CIBAR2: variants seen among roughly 807,000 people sequenced by gnomAD.
CIBAR2 encodes CBY1 interacting BAR domain containing 2.
A neutral mutation model predicts 36.2 loss-of-function variants in CIBAR2; 38 were observed. That is an observed-to-expected ratio of 1.05 (90% CI 0.81 to 1.38). The LOEUF is 1.38. Among genes scored for constraint, CIBAR2 ranks in the 40% most tolerant of loss-of-function variants. The pLI is 0.00. For synonymous variants in CIBAR2, 182 were observed against 149.5 expected, an observed-to-expected ratio of 1.22 and a Z score of -1.58; for missense variants, 481 against 383.4, an observed-to-expected ratio of 1.25 and a Z score of -2.13.
rs2073928393 is a variant in CIBAR2 at position 85,098,542 on chromosome 16, C to T, written c.*643G>A. 2 of 986,006 alleles carry T rather than the reference C, an allele frequency of 2.0e-6. No individual in the cohort carries two copies. Among genetic ancestry groups the T allele is most frequent in the Admixed American group, 6.1e-5 (1 of 16,270 alleles). 61.1% of individuals were successfully genotyped at this position (986,006 alleles called of 1,614,324 possible). ...CTGAGGATCCAAGGCCAGCTAAGTT[C>T]TTCTGACTGTTGTGGGCAGTTCTCT... On this transcript the variant is annotated 3_prime_UTR_variant, in exon 9 of 9. Transcript: ENST00000539556.
rs760843061 is a variant in CIBAR2 at position 85,102,248 on chromosome 16, G to A, written c.617C>T (p.Thr206Ile). The change falls in exon 7 of 9, where the codon ACC becomes ATC. Residue 206 changes from threonine (T) to isoleucine (I), a missense_variant. By Grantham distance (89) the Thr-to-Ile change is moderately conservative. Coordinates refer to ENST00000539556, the MANE Select transcript of CIBAR2 (RefSeq NM_198491.3). Reference protein sequence around the residue: ...AVEVYSSAFQTLEKYDLERDL... With the variant: ...AVEVYSSAFQILEKYDLERDL... Reference sequence around the variant, plus strand: ...CCTCTCCAGGTCATACTTCTCCAGGGTCTGGAAGGCGCTAGAATACACCTC... The same window carrying A: ...CCTCTCCAGGTCATACTTCTCCAGGATCTGGAAGGCGCTAGAATACACCTC... The A allele has an allele frequency of 3.7e-6, 6 of 1,611,580 alleles. No individual in the cohort carries two copies. The highest frequency in any genetic ancestry group is 5.1e-6 in the Non-Finnish European group (6 of 1,177,726).
rs1324839922 is a variant in CIBAR2 at position 85,101,888 on chromosome 16, G to A, written c.651+326C>T. On this transcript the variant is annotated intron_variant, in intron 7 of 8. Transcript: ENST00000539556. ...TCACCATGTTGGCCAGGCTGGCCTCGAACTCCTGACCTCAGGTGATCCGCC... is the reference window on the plus strand; with the variant it reads ...TCACCATGTTGGCCAGGCTGGCCTCAAACTCCTGACCTCAGGTGATCCGCC... Among the ~76,000 whole-genome samples, 4 of 152,078 alleles carry A rather than the reference G, an allele frequency of 2.6e-5. 1 individual carries two copies. The highest frequency in any genetic ancestry group is 5.9e-5 in the Non-Finnish European group (4 of 67,970).
intron 6 of CIBAR2, among the ~76,000 whole-genome samples, chr16:85,102,929 T>A (rs966756015): frequency 1.3e-5 from 2 of 149,652 alleles, no homozygotes; most frequent in African/African-American, 4.9e-5. Context: ...TGAGATGGAG[T>A]CTCCCTCTGT....
chr16:85,104,298 C>G (rs755256309), intron 6 of CIBAR2, among the ~76,000 whole-genome samples: 1 of 152,186 alleles, frequency 6.6e-6, no homozygotes, highest in Non-Finnish European at 1.5e-5. Context: ...AGGATGAGGC[C>G]GCAGGCCTGA....
At chr16:85,109,894 T>C (rs184051092) in intron 2 of CIBAR2, among the ~76,000 whole-genome samples, 1 of 152,282 alleles carries the variant, frequency 6.6e-6, no homozygotes, top group African/African-American at 2.4e-5. Flanking sequence ...TCCTTGCCCC[T>C]GACTCCCCAC....
chr16:85,100,234 T>TAA lies in CIBAR2; in HGVS notation c.656_657dup (p.Arg220LeufsTer40). ...CCATAAACTCCTTGCATCTTGGCTC[T>TAA]AAAATCCTGCCGGGGAGAGACCAGG... On this transcript the variant is annotated frameshift_variant, in exon 8 of 9. Transcript: ENST00000539556. LOFTEE classifies it high-confidence loss of function. 3 of 1,606,298 alleles carry TAA rather than the reference T, an allele frequency of 1.9e-6. No individual in the cohort carries two copies. Among genetic ancestry groups the TAA allele is most frequent in the Non-Finnish European group, 2.6e-6 (3 of 1,176,138 alleles).
Position 85,111,651 on chromosome 16 carries a change from C to T in CIBAR2, c.20+682G>A, listed in dbSNP as rs531362239. On this transcript the variant is annotated intron_variant, in intron 1 of 8. Coordinates refer to ENST00000539556, the MANE Select transcript of CIBAR2 (RefSeq NM_198491.3). The stretch of plus-strand genomic sequence containing the variant: ...GCCTGAGCTCAGGAGTTCAAGACCA[C>T]CCTGGGCAACATGGTGAAACCCCGT... Among the ~76,000 whole-genome samples the T allele has an allele frequency of 5.9e-5, 9 of 152,268 alleles. No individual in the cohort carries two copies. In the East Asian group the frequency reaches 1.5e-3, roughly 26 times the overall value.
rs141482791 is a variant in CIBAR2 at position 85,109,833 on chromosome 16, T to G, written c.255+393A>C. Among the ~76,000 whole-genome samples, 163 of 152,306 alleles carry G rather than the reference T, an allele frequency of 1.1e-3. 1 individual carries two copies. The highest frequency in any genetic ancestry group is 3.7e-3 in the African/African-American group (153 of 41,570). On this transcript the variant is annotated intron_variant, in intron 2 of 8. Coordinates refer to ENST00000539556, the MANE Select transcript of CIBAR2 (RefSeq NM_198491.3). ...CTACAATTCATGGTGAGGAGTTTTC[T>G]GGGCTGGCAGGAATTTCTATTTTTA...
intron 8 of CIBAR2, 120 bp from the exon 9 acceptor site, chr16:85,099,466 C>T (rs756368985): frequency 4.5e-6 from 3 of 666,274 alleles, no homozygotes; most frequent in Non-Finnish European, 8.0e-6. Flanking sequence ...AACCCGCGGG[C>T]CCACGGGCTG....
At chr16:85,106,182 C>T (rs369851970) in intron 5 of CIBAR2, among the ~76,000 whole-genome samples, 1 of 152,094 alleles carries the variant, frequency 6.6e-6, no homozygotes, top group Non-Finnish European at 1.5e-5. Flanking sequence ...TCCGGAGGTG[C>T]TCGGGCAGGG....
intron 6 of CIBAR2, among the ~76,000 whole-genome samples, chr16:85,105,093 C>A (rs568861052): frequency 3.3e-5 from 5 of 152,224 alleles, no homozygotes; most frequent in African/African-American, 1.2e-4. Flanking sequence ...CAGTGGCTTC[C>A]GGCTGTGCTG....
At chr16:85,106,497 A>T (rs2073996846) in intron 5 of CIBAR2, among the ~76,000 whole-genome samples, 1 of 152,090 alleles carries the variant, frequency 6.6e-6, no homozygotes, top group Non-Finnish European at 1.5e-5. Context: ...GGTCCTTTCA[A>T]GTGGAAGAGG....
chr16:85,103,215 C>G (rs1331299026), intron 6 of CIBAR2, among the ~76,000 whole-genome samples: 1 of 152,082 alleles, frequency 6.6e-6, no homozygotes, highest in Non-Finnish European at 1.5e-5. Flanking sequence ...GCTTTTCTGC[C>G]CCTTCTGCCA....
At position 85,107,828 on chromosome 16, in the gene CIBAR2, A is replaced by T. The variant is rs1401509669; in HGVS notation, c.426+18T>A. On this transcript the variant is annotated intron_variant, in intron 4 of 8. Coordinates refer to ENST00000539556, the MANE Select transcript of CIBAR2 (RefSeq NM_198491.3). The stretch of plus-strand genomic sequence containing the variant: ...CCCTGGCCCGGCAGCCCCAGGCCCC[A>T]CTTCCAGGGAAGGATACGATCATTT... The T allele has an allele frequency of 2.5e-6, 4 of 1,605,624 alleles. No individual in the cohort carries two copies. In the African/African-American group the frequency reaches 4.0e-5, roughly 16 times the overall value.
Position 85,110,309 on chromosome 16 carries a change from T to C in CIBAR2, c.172A>G (p.Asn58Asp), listed in dbSNP as rs186747840. ...GCCCGCAGCTCGGGGTTCTCGGAGTTGGCAAAGTCGATGAGCTGCTTGACC... is the reference window on the plus strand; with the variant it reads ...GCCCGCAGCTCGGGGTTCTCGGAGTCGGCAAAGTCGATGAGCTGCTTGACC... ...QLVKQLIDFA[N>D]SENPELRATM... The change falls in exon 2 of 9, where the codon AAC (asparagine) becomes GAC (aspartate). Residue 58 changes from asparagine to aspartate, a missense_variant. Coordinates refer to ENST00000539556, the MANE Select transcript of CIBAR2 (RefSeq NM_198491.3). 1.4e-5 allele frequency: 23 copies of C among 1,612,228 alleles called. No individual in the cohort carries two copies. The highest frequency in any genetic ancestry group is 2.0e-5 in the Non-Finnish European group (23 of 1,178,938).
Position 85,105,424 on chromosome 16 carries a change from G to T in CIBAR2, c.440C>A (p.Thr147Asn). Reference protein sequence around the residue: ...SDQQMISQAETRVQRAAVDSS... With the variant: ...SDQQMISQAENRVQRAAVDSS... The stretch of plus-strand genomic sequence containing the variant: ...GTCCACAGCGGCCCTCTGCACTCTG[G>T]TCTCTGCCTGGCCCCAGGGACACAA... Residue 147 changes from threonine (T) to asparagine (N), a missense_variant, in exon 6 of 9, where the codon ACC becomes AAC. Thr to Asn is a moderately conservative substitution (Grantham distance 65). Coordinates refer to ENST00000539556, the MANE Select transcript of CIBAR2 (RefSeq NM_198491.3). 1.2e-6 allele frequency: 2 copies of T among 1,613,046 alleles called. No individual in the cohort carries two copies. Among genetic ancestry groups the T allele is most frequent in the Non-Finnish European group, 1.7e-6 (2 of 1,179,362 alleles).
At position 85,098,690 on chromosome 16, in the gene CIBAR2, T is replaced by C; in HGVS notation, c.*495A>G. 2 of 933,660 alleles carry C rather than the reference T, an allele frequency of 2.1e-6. No homozygotes were observed. The highest frequency in any genetic ancestry group is 2.6e-6 in the Non-Finnish European group (2 of 782,484). 57.8% of individuals were successfully genotyped at this position (933,660 alleles called of 1,614,324 possible). ...ATGGTGCTCTGAGCACTCTAAATAA[T>C]AATAATAATAAAACGACAGCAACAT... On this transcript the variant is annotated 3_prime_UTR_variant, in exon 9 of 9. Coordinates refer to ENST00000539556, the MANE Select transcript of CIBAR2 (RefSeq NM_198491.3).
At chr16:85,103,404 G>C (rs754639224) in intron 6 of CIBAR2, among the ~76,000 whole-genome samples, 12 of 152,212 alleles carry the variant, frequency 7.9e-5, no homozygotes, top group Non-Finnish European at 1.6e-4. Context: ...ACTAAGACAG[G>C]TGGTGATGAT....
At chr16:85,102,189 AG>A (rs1186400762) in intron 7 of CIBAR2, 24 bp downstream of exon 7, 1 of 1,323,852 alleles carries the variant, frequency 7.6e-7, no homozygotes, top group South Asian at 1.2e-5. Context: ...TCCACCATAT[AG>A]GAAACGGGGT....
Sources: gnomAD v4.1 joint callset for allele counts (sites outside exome capture counted in the v4.1 genomes callset) on GRCh38, gnomAD v4.1.1 for gene constraint, MANE v1.5 for transcripts, NCBI Gene and HGNC (gene_info 2026-07-23, HGNC 2026-07-21) for gene names.